Variants in ADAMTS16 observed in about 807,000 individuals in gnomAD.
ADAMTS16 encodes the protein A disintegrin and metalloproteinase with thrombospondin motifs 16.
In ADAMTS16, 94 loss-of-function variants were observed where a neutral mutation model predicts 145.8. The ratio of observed to expected loss-of-function variants is 0.64; its 90% CI spans 0.55 to 0.77. The LOEUF (loss-of-function observed/expected upper bound fraction) is 0.77. Among genes scored for constraint, ADAMTS16 ranks in the 30% least tolerant of loss-of-function variants. The probability of loss-of-function intolerance (pLI) is 0.00; values close to 1 mark genes in which losing one functional copy is unlikely to be tolerated. For synonymous variants in ADAMTS16, 659 were observed against 604.3 expected, an observed-to-expected ratio of 1.09 and a Z score of -1.33; for missense variants, 1,585 against 1,591.5, an observed-to-expected ratio of 1.00 and a Z score of 0.07.
At chr5:5,231,614 T>C (rs539959935) in intron 11 of ADAMTS16, among the ~76,000 whole-genome samples, 3 of 152,296 alleles carry the variant, frequency 2.0e-5, no homozygotes, top group Admixed American at 2.0e-4. Context: ...ACCTTTAAAA[T>C]CTTAGAAGTT....
At chr5:5,158,257 T>G (rs1304342053) in intron 3 of ADAMTS16, among the ~76,000 whole-genome samples, 3 of 152,174 alleles carry the variant, frequency 2.0e-5, no homozygotes, top group Non-Finnish European at 2.9e-5. Context: ...CCATGATTGT[T>G]ACGATTCCTA....
intron 10 of ADAMTS16, among the ~76,000 whole-genome samples, chr5:5,220,448 G>T (rs1037404162): frequency 6.6e-6 from 1 of 151,824 alleles, no homozygotes; most frequent in African/African-American, 2.4e-5. Context: ...GTGAGCCACC[G>T]CGCCCGGCCA....
At chr5:5,231,243 A>T (rs531487818) in intron 11 of ADAMTS16, among the ~76,000 whole-genome samples, 1 of 152,280 alleles carries the variant, frequency 6.6e-6, no homozygotes, top group South Asian at 2.1e-4. Context: ...AAAGAAATGA[A>T]TGGATGAGGC....
At chr5:5,222,719 G>A (rs1736641727) in intron 10 of ADAMTS16, 70 bp from the exon 11 acceptor site, 2 of 1,283,026 alleles carry the variant, frequency 1.6e-6, no homozygotes, top group South Asian at 1.2e-5. Context: ...AAATCTCTCA[G>A]TGATATTTTT....
chr5:5,246,556 G>T (rs1737449696), intron 17 of ADAMTS16, among the ~76,000 whole-genome samples: 1 of 152,136 alleles, frequency 6.6e-6, no homozygotes, highest in Admixed American at 6.5e-5. Flanking sequence ...GCATATGCTT[G>T]GGTGTTTGGA....
In ADAMTS16 at chr5:5,187,773, G is replaced by A; in HGVS notation, c.1012G>A (p.Ala338Thr). The A allele has an allele frequency of 6.2e-7, 1 of 1,611,784 alleles. No homozygotes were observed. The highest frequency in any genetic ancestry group is 1.1e-5 in the South Asian group (1 of 90,934). Residue 338 changes from alanine (A) to threonine (T), a missense_variant, in exon 6 of 23, where the codon GCA (alanine) becomes ACA (threonine). Transcript: ENST00000274181. ...DGTIGGNINI[A>T]IVGLILLEDE... ...AACAATAGGAGGAAACATCAACATT[G>A]CAATTGTAGGTCTGATTCTTCTAGA...
rs1579334318 is a variant in ADAMTS16, at chr5:5,240,065, C to A, written c.2523+140C>A. The A allele has an allele frequency of 1.2e-5, 16 of 1,357,288 alleles. No individual in the cohort carries two copies. The East Asian group carries it at 3.7e-4, about 32-fold the overall frequency. The allele number at this position is 1,357,288 out of a possible 1,614,324, so 84.1% of individuals were successfully genotyped here. On this transcript the variant is annotated intron_variant, in intron 16 of 22. Transcript: ENST00000274181. The stretch of plus-strand genomic sequence containing the variant: ...TGATCCATCCATAGCCGGAATGAGG[C>A]AGCAGGCTTGTTTTTATCATCATTC...
intron 6 of ADAMTS16, among the ~76,000 whole-genome samples, chr5:5,189,231 C>T (rs1032817472): frequency 6.6e-6 from 1 of 152,094 alleles, no homozygotes; most frequent in East Asian, 1.9e-4. Context: ...TAGAGCATGC[C>T]GGTGAATAAG....
At chr5:5,170,749 T>A (rs1350277017) in intron 3 of ADAMTS16, among the ~76,000 whole-genome samples, 1 of 152,178 alleles carries the variant, frequency 6.6e-6, no homozygotes, top group Non-Finnish European at 1.5e-5. Context: ...TCCTTATATA[T>A]TCTGGTTGTT....
chr5:5,289,834 C>A (rs1478239269), intron 18 of ADAMTS16, among the ~76,000 whole-genome samples: 1 of 152,140 alleles, frequency 6.6e-6, no homozygotes, highest in Non-Finnish European at 1.5e-5. Context: ...ACTATCTGGC[C>A]CTTTAATAAG....
chr5:5,267,331 G>C (rs2126443207), intron 18 of ADAMTS16, among the ~76,000 whole-genome samples: 1 of 152,282 alleles, frequency 6.6e-6, no homozygotes, highest in Non-Finnish European at 1.5e-5. Flanking sequence ...GAGGACAGAG[G>C]GCTTTCTGTA....
intron 3 of ADAMTS16, among the ~76,000 whole-genome samples, chr5:5,160,069 T>C (rs1309322803): frequency 3.9e-5 from 6 of 152,230 alleles, no homozygotes; most frequent in African/African-American, 7.2e-5. Context: ...GCTAGGATCT[T>C]TTATAGCACA....
chr5:5,168,696 ATATAAT>A (rs1287081746), intron 3 of ADAMTS16, among the ~76,000 whole-genome samples: 1 of 127,766 alleles, frequency 7.8e-6, no homozygotes, highest in Non-Finnish European at 1.6e-5. Flanking sequence ...AATTATATAA[ATATAAT>A]ATATAATAAT....
chr5:5,232,480 GA>G lies in ADAMTS16; in HGVS notation c.1815del (p.Val606TyrfsTer27). On this transcript the variant is annotated frameshift_variant, in exon 12 of 23. Transcript: ENST00000274181. LOFTEE classifies it high-confidence loss of function. ...WSPCSRTCGG[G>X]VSHRSRLCTN... ...CCATGCTCCAGGACCTGCGGAGGGGGAGTATCTCATAGGAGTCGCCTCTGCA... is the reference window on the plus strand; with the variant it reads ...CCATGCTCCAGGACCTGCGGAGGGGGGTATCTCATAGGAGTCGCCTCTGCA... 1 of 1,613,976 alleles carries G rather than the reference GA, an allele frequency of 6.2e-7. No homozygotes were observed. The highest frequency in any genetic ancestry group is 8.5e-7 in the Non-Finnish European group (1 of 1,179,986).
chr5:5,254,206 T>C (rs1737714426), intron 17 of ADAMTS16, among the ~76,000 whole-genome samples: 1 of 152,296 alleles, frequency 6.6e-6, no homozygotes, highest in South Asian at 2.1e-4. Context: ...TCCCTGTTTC[T>C]AGTCCTTTCT....
At chr5:5,224,178 C>T (rs747955525) in intron 11 of ADAMTS16, among the ~76,000 whole-genome samples, 5 of 151,816 alleles carry the variant, frequency 3.3e-5, no homozygotes, top group Non-Finnish European at 7.4e-5. Flanking sequence ...TTCAGTTCCT[C>T]GAAGGGCGTG....
In ADAMTS16 at chr5:5,140,766, G is replaced by C; in HGVS notation, c.175G>C (p.Glu59Gln). The change falls in exon 2 of 23, where the codon GAA (glutamate) becomes CAA (glutamine). Residue 59 changes from glutamate (E) to glutamine (Q), a missense_variant and splice_region_variant. Glu to Gln is a conservative substitution (Grantham distance 29, BLOSUM62 2). Transcript: ENST00000274181. ...AERPGWMEKG[E>Q]YDLVSAYEVD... Reference sequence around the variant, plus strand: ...GCGGCCGGGCTGGATGGAAAAGGGCGGTAAGTCCGTGAGGTGGGGGCTTCT... The same window carrying C: ...GCGGCCGGGCTGGATGGAAAAGGGCCGTAAGTCCGTGAGGTGGGGGCTTCT... 2 of 1,557,634 alleles carry C rather than the reference G, an allele frequency of 1.3e-6. No homozygotes were observed. Among genetic ancestry groups the C allele is most frequent in the Non-Finnish European group, 1.7e-6 (2 of 1,152,022 alleles).
chr5:5,158,863 T>C (rs814773), intron 3 of ADAMTS16, among the ~76,000 whole-genome samples: 69,000 of 151,990 alleles, frequency 0.45, 16,380 homozygotes, highest in East Asian at 0.74. Context: ...CTTAGGCATG[T>C]CTTATTTAAT....
intron 18 of ADAMTS16, among the ~76,000 whole-genome samples, chr5:5,287,831 T>TTTA (rs1289000487): frequency 6.6e-6 from 1 of 152,154 alleles, no homozygotes; most frequent in Non-Finnish European, 1.5e-5. Context: ...TGGTCCTAAC[T>TTTA]GGCCAGTCCT....
Sources: allele counts gnomAD v4.1 joint callset (sites outside exome capture counted in the v4.1 genomes callset), GRCh38; gene constraint gnomAD v4.1.1; transcripts MANE v1.5; gene names NCBI Gene and HGNC (gene_info 2026-07-23, HGNC 2026-07-21).